The following BRINP3 variants were observed in gnomAD, a reference collection of about 807,000 sequenced individuals.
The protein encoded by BRINP3 is BMP/retinoic acid-inducible neural-specific protein 3.
BRINP3 carries 19 observed loss-of-function variants against 71.0 expected under a neutral mutation model. That is an observed-to-expected ratio of 0.27 (90% CI 0.19 to 0.39). The LOEUF (loss-of-function observed/expected upper bound fraction) is 0.39. Among genes scored for constraint, BRINP3 ranks in the 10% least tolerant of loss-of-function variants. BRINP3 has a pLI of 1.00. For synonymous variants in BRINP3, 380 were observed against 337.7 expected (o/e 1.13, Z -1.37); for missense variants, 959 against 940.8 (o/e 1.02, Z -0.25).
At chr1:190,217,657 C>T (rs562219395) in intron 6 of BRINP3, among the ~76,000 whole-genome samples, 5 of 151,926 alleles carry the variant, frequency 3.3e-5, no homozygotes, top group Admixed American at 6.6e-5. Context: ...ATACATTTGA[C>T]CACTGATTAC....
intron 1 of BRINP3, among the ~76,000 whole-genome samples, chr1:190,471,841 G>A (rs1677158982): frequency 6.6e-6 from 1 of 151,346 alleles, no homozygotes; most frequent in South Asian, 2.1e-4. Flanking sequence ...CTGAATAAAA[G>A]CAAAGGTAAA....
intron 2 of BRINP3, among the ~76,000 whole-genome samples, chr1:190,409,900 G>A (rs1159464870): frequency 6.6e-5 from 10 of 152,026 alleles, no homozygotes; most frequent in Admixed American, 6.5e-4. Flanking sequence ...GCAGAGAGAG[G>A]ACAAAATCAC....
At chr1:190,399,008 A>G (rs1421290766) in intron 2 of BRINP3, among the ~76,000 whole-genome samples, 4 of 151,974 alleles carry the variant, frequency 2.6e-5, no homozygotes, top group Admixed American at 2.6e-4. Flanking sequence ...TTCATGGCTA[A>G]TATCTATTTT....
At chr1:190,114,968 A>T (rs977103789) in intron 7 of BRINP3, among the ~76,000 whole-genome samples, 1 of 152,188 alleles carries the variant, frequency 6.6e-6, no homozygotes, top group Admixed American at 6.5e-5. Context: ...GCTATCCTAT[A>T]TAAAATATCT....
intron 2 of BRINP3, among the ~76,000 whole-genome samples, chr1:190,419,971 G>C (rs1673265365): frequency 6.6e-6 from 1 of 151,882 alleles, no homozygotes; most frequent in South Asian, 2.1e-4. Context: ...AGCTGTGTTG[G>C]TATAATATGT....
Position 190,226,161 on chromosome 1 carries a change from C to T in BRINP3, c.882G>A (p.Met294Ile). 6.2e-7 allele frequency: 1 copy of T among 1,612,238 alleles called. No individual in the cohort carries two copies. Among genetic ancestry groups the T allele is most frequent in the South Asian group, 1.1e-5 (1 of 90,988 alleles). ...GATTCTCTTCCATGGCTTGAATGTC[C>T]ATGGAGGGGCAGTTGCATTCTGGAA... is the stretch of plus-strand genomic sequence containing the variant. ...PKFPECNCPS[M>I]DIQAMEENLL... The change falls in exon 6 of 8, where the codon ATG becomes ATA. Residue 294 changes from methionine to isoleucine, a missense_variant. Transcript: ENST00000367462.
chr1:190,139,161 A>T (rs1016861503), intron 7 of BRINP3, among the ~76,000 whole-genome samples: 1 of 151,712 alleles, frequency 6.6e-6, no homozygotes, highest in African/African-American at 2.4e-5. Flanking sequence ...AAAAAAAAAA[A>T]TGATCGGCCC....
intron 2 of BRINP3, among the ~76,000 whole-genome samples, chr1:190,356,948 G>T (rs1047643816): frequency 4.6e-5 from 7 of 151,984 alleles, no homozygotes; most frequent in African/African-American, 1.7e-4. Flanking sequence ...GGGCGACTGA[G>T]GAGACAACTA....
intron 6 of BRINP3, among the ~76,000 whole-genome samples, chr1:190,191,831 T>C (rs1654063437): frequency 6.6e-6 from 1 of 152,134 alleles, no homozygotes. Context: ...TAAGCATTTA[T>C]GTTTCGGAAA....
At chr1:190,438,128 G>C (rs1018044758) in intron 2 of BRINP3, among the ~76,000 whole-genome samples, 2 of 151,236 alleles carry the variant, frequency 1.3e-5, no homozygotes, top group African/African-American at 4.8e-5. Flanking sequence ...AGGAAATGAA[G>C]AGTACTTCAA....
At chr1:190,323,612 A>G (rs1452443063) in intron 2 of BRINP3, among the ~76,000 whole-genome samples, 1 of 151,454 alleles carries the variant, frequency 6.6e-6, no homozygotes, top group South Asian at 2.1e-4. Context: ...AAAAAAAAAT[A>G]AGAATTTTTT....
intron 2 of BRINP3, among the ~76,000 whole-genome samples, chr1:190,368,159 C>T (rs1239097228): frequency 6.6e-6 from 1 of 152,090 alleles, no homozygotes; most frequent in Non-Finnish European, 1.5e-5. Context: ...TTAATTAATG[C>T]AAAGTTCCGC....
At chr1:190,299,777 C>T (rs913039504) in intron 2 of BRINP3, among the ~76,000 whole-genome samples, 9 of 151,854 alleles carry the variant, frequency 5.9e-5, no homozygotes, top group African/African-American at 2.2e-4. Flanking sequence ...ATTTGCTTGT[C>T]TGTAAAGTAT....
At chr1:190,109,155 T>G (rs1162022499) in intron 7 of BRINP3, among the ~76,000 whole-genome samples, 1 of 152,206 alleles carries the variant, frequency 6.6e-6, no homozygotes, top group Non-Finnish European at 1.5e-5. Context: ...TTATCATGTA[T>G]TGTCTTTTGA....
At chr1:190,229,088 G>T (rs1372113510) in intron 5 of BRINP3, among the ~76,000 whole-genome samples, 3 of 152,030 alleles carry the variant, frequency 2.0e-5, no homozygotes, top group Non-Finnish European at 2.9e-5. Flanking sequence ...GGACAAAAAT[G>T]AAGTGAGAAT....
chr1:190,237,654 C>T (rs1054171251), intron 4 of BRINP3, among the ~76,000 whole-genome samples: 1 of 151,986 alleles, frequency 6.6e-6, no homozygotes, highest in African/African-American at 2.4e-5. Context: ...AGTAATTGCA[C>T]TTCAAGACTA....
At chr1:190,210,111 T>C (rs1223810052) in intron 6 of BRINP3, among the ~76,000 whole-genome samples, 1 of 152,110 alleles carries the variant, frequency 6.6e-6, no homozygotes, top group African/African-American at 2.4e-5. Context: ...GTAAAAGGTA[T>C]GAATGTACTC....
intron 2 of BRINP3, among the ~76,000 whole-genome samples, chr1:190,371,402 G>A (rs1313161740): frequency 6.6e-6 from 1 of 152,124 alleles, no homozygotes; most frequent in Non-Finnish European, 1.5e-5. Context: ...TGGATATCTA[G>A]TTTTACCAAT....
chr1:190,346,902 G>T (rs186802520), intron 2 of BRINP3, among the ~76,000 whole-genome samples: 1 of 152,166 alleles, frequency 6.6e-6, no homozygotes, highest in Admixed American at 6.6e-5. Flanking sequence ...AGGATAAAAA[G>T]TGTCCTATAT....
Sources: gnomAD v4.1 joint callset for allele counts (sites outside exome capture counted in the v4.1 genomes callset) on GRCh38, gnomAD v4.1.1 for gene constraint, MANE v1.5 for transcripts, NCBI Gene and HGNC (gene_info 2026-07-23, HGNC 2026-07-21) for gene names.